DLGAP1: variants seen among roughly 807,000 people sequenced by gnomAD.
DLGAP1 encodes disks large-associated protein 1.
A neutral mutation model predicts 90.8 loss-of-function variants in DLGAP1; 11 were observed. The ratio of observed to expected loss-of-function variants is 0.12; its 90% CI spans 0.08 to 0.20. The LOEUF is 0.20. Ranked by LOEUF, DLGAP1 falls within the 10% of genes least tolerant of loss-of-function variation. The pLI, the probability that DLGAP1 is intolerant of heterozygous loss-of-function variation, is 1.00. For missense variants in DLGAP1, 1,050 were observed against 1,333.8 expected, an observed-to-expected ratio of 0.79 and a Z score of 3.31; for synonymous variants, 558 against 540.7, an observed-to-expected ratio of 1.03 and a Z score of -0.44.
intron 5 of DLGAP1, among the ~76,000 whole-genome samples, chr18:3,778,373 G>A (rs547821828): frequency 2.6e-5 from 4 of 152,100 alleles, no homozygotes; most frequent in South Asian, 2.1e-4. Context: ...CCCAGGAGGC[G>A]GAGGTTGCAG....
At chr18:3,772,412 T>C (rs1432088934) in intron 5 of DLGAP1, among the ~76,000 whole-genome samples, 1 of 86,082 alleles carries the variant, frequency 1.2e-5, no homozygotes, top group African/African-American at 4.2e-5. Context: ...TTCTTTCTCT[T>C]TCTTTCTTTC....
intron 7 of DLGAP1, among the ~76,000 whole-genome samples, chr18:3,620,682 C>T (rs113160159): frequency 0.031 from 4,704 of 152,052 alleles, 110 homozygotes; most frequent in Admixed American, 0.047. Context: ...CTCAGCCTCC[C>T]GAGGAGCTGG....
intron 1 of DLGAP1, among the ~76,000 whole-genome samples, chr18:4,296,802 C>T (rs146271298): frequency 6.6e-6 from 1 of 152,302 alleles, no homozygotes; most frequent in East Asian, 1.9e-4. Flanking sequence ...CTGTCTTCTC[C>T]CATTACCTGT....
chr18:3,800,830 C>G (rs1244205532), intron 5 of DLGAP1, among the ~76,000 whole-genome samples: 2 of 151,944 alleles, frequency 1.3e-5, no homozygotes, highest in Non-Finnish European at 2.9e-5. Flanking sequence ...GCAAGCAAGA[C>G]AAAATAATAG....
intron 5 of DLGAP1, among the ~76,000 whole-genome samples, chr18:3,805,462 C>T (rs118123550): frequency 0.031 from 4,734 of 152,180 alleles, 87 homozygotes; most frequent in South Asian, 0.062. Flanking sequence ...ACAAATTGGT[C>T]CATTGCAATC....
chr18:4,274,468 C>T lies in DLGAP1; in HGVS notation c.-266-123181G>A, dbSNP rs1257898853. ...TGGAAAACAGTCCTCTTCCCTCTCA[C>T]TTTGGACAGTCGAGAATTTACTCAA... On this transcript the variant is annotated intron_variant, in intron 1 of 12. Transcript: ENST00000315677. 4.0e-5 allele frequency among the ~76,000 whole-genome samples: 6 copies of T among 149,410 alleles called. No homozygotes were observed. The East Asian group carries it at 1.2e-3, about 29-fold the overall frequency.
At chr18:4,155,955 G>A (rs977615682) in intron 1 of DLGAP1, among the ~76,000 whole-genome samples, 13 of 152,260 alleles carry the variant, frequency 8.5e-5, no homozygotes, top group South Asian at 2.1e-4. Context: ...CATTTGCTCC[G>A]ACTCGGGTGG....
chr18:3,555,532 C>A (rs964998112), intron 9 of DLGAP1, among the ~76,000 whole-genome samples: 2 of 152,004 alleles, frequency 1.3e-5, no homozygotes, highest in Non-Finnish European at 2.9e-5. Flanking sequence ...AATTTGAGGC[C>A]GGGGGCAGTG....
chr18:3,599,346 A>G (rs2056770354), intron 7 of DLGAP1, among the ~76,000 whole-genome samples: 1 of 152,250 alleles, frequency 6.6e-6, no homozygotes, highest in Admixed American at 6.5e-5. Context: ...ATGCCCAGCA[A>G]GGTCTGGGGA....
At chr18:3,552,516 C>T (rs1239729267) in intron 9 of DLGAP1, among the ~76,000 whole-genome samples, 1 of 152,194 alleles carries the variant, frequency 6.6e-6, no homozygotes, top group East Asian at 1.9e-4. Flanking sequence ...CTCTGCCACA[C>T]TGCCATGTAG....
chr18:3,552,298 T>C (rs1349140822), intron 9 of DLGAP1, among the ~76,000 whole-genome samples: 3 of 152,226 alleles, frequency 2.0e-5, no homozygotes, highest in Non-Finnish European at 2.9e-5. Context: ...TTTCTGGCTC[T>C]TGTCTTATCT....
intron 9 of DLGAP1, among the ~76,000 whole-genome samples, chr18:3,539,724 T>C (rs1265067564): frequency 1.3e-5 from 2 of 152,324 alleles, no homozygotes; most frequent in East Asian, 3.9e-4. Flanking sequence ...CAAAAGAAAT[T>C]GTGCACAAAA....
intron 7 of DLGAP1, among the ~76,000 whole-genome samples, chr18:3,643,706 C>T (rs1277524139): frequency 6.9e-6 from 1 of 145,824 alleles, no homozygotes; most frequent in Non-Finnish European, 1.5e-5. Flanking sequence ...TATGACATGA[C>T]AGTTCATTGA....
rs117773516 is a variant in DLGAP1, at chr18:4,454,428, G to C, written c.-267+578C>G. Among the ~76,000 whole-genome samples, 1 of 85,674 alleles carries C rather than the reference G, an allele frequency of 1.2e-5. No homozygotes were observed. 56.2% of individuals were successfully genotyped at this position (85,674 alleles called of 152,430 possible). On this transcript the variant is annotated intron_variant, in intron 1 of 12. Coordinates refer to ENST00000315677, the MANE Select transcript of DLGAP1 (RefSeq NM_004746.4). This position sits in a 1 kb window ranked among gnomAD's most constrained non-coding sequence, Gnocchi z 4.7. ...CATTTCTCTCTCTCTCTCTCTCTCT[G>C]TGCCTGTCTTTGTGTCTCTGTTTCT...
chr18:4,152,954 T>G (rs2076699025), intron 1 of DLGAP1, among the ~76,000 whole-genome samples: 1 of 152,234 alleles, frequency 6.6e-6, no homozygotes, highest in African/African-American at 2.4e-5. Flanking sequence ...TATATAGAAC[T>G]GATCATTTAT....
chr18:4,193,287 T>G (rs2077435250), intron 1 of DLGAP1, among the ~76,000 whole-genome samples: 1 of 152,194 alleles, frequency 6.6e-6, no homozygotes, highest in Admixed American at 6.5e-5. Context: ...TTGATCTCAT[T>G]TTTTATATGT....
At chr18:3,801,067 G>C (rs918246491) in intron 5 of DLGAP1, among the ~76,000 whole-genome samples, 1 of 152,130 alleles carries the variant, frequency 6.6e-6, no homozygotes, top group African/African-American at 2.4e-5. Context: ...GTGAGAGCAA[G>C]GGAGCAAGAG....
chr18:3,994,919 T>A (rs1303729495), intron 3 of DLGAP1, among the ~76,000 whole-genome samples: 2 of 152,174 alleles, frequency 1.3e-5, no homozygotes, highest in Non-Finnish European at 2.9e-5. Context: ...TATTAGAAAA[T>A]TCATTGCATA....
intron 1 of DLGAP1, among the ~76,000 whole-genome samples, chr18:4,219,512 T>G (rs1271835825): frequency 1.3e-5 from 2 of 152,122 alleles, no homozygotes; most frequent in Non-Finnish European, 2.9e-5. Context: ...TTTATTTTGT[T>G]GCCTGTGCTT....
Sources: gnomAD v4.1 joint callset for allele counts (sites outside exome capture counted in the v4.1 genomes callset) on GRCh38, gnomAD v4.1.1 for gene constraint, Gnocchi (gnomAD v3.1) non-coding constraint, MANE v1.5 for transcripts, NCBI Gene and HGNC (gene_info 2026-07-23, HGNC 2026-07-21) for gene names.